Variants in BCAS3 observed in about 807,000 individuals in gnomAD.
BCAS3 encodes the protein BCAS3 microtubule associated cell migration factor.
BCAS3 carries 53 observed loss-of-function variants against 116.1 expected under a neutral mutation model. The observed-to-expected ratio is 0.46, with a 90% CI of 0.37 to 0.57. The LOEUF is 0.57. BCAS3 is among the 20% of genes least tolerant of loss of function. The pLI is 0.00. For synonymous variants in BCAS3, 391 were observed against 408.2 expected (o/e 0.96, Z 0.51); for missense variants, 917 against 1,165.4 (o/e 0.79, Z 3.10).
At chr17:61,048,205 G>T (rs949362743) in intron 19 of BCAS3, among the ~76,000 whole-genome samples, 4 of 151,950 alleles carry the variant, frequency 2.6e-5, no homozygotes, top group Non-Finnish European at 5.9e-5. Flanking sequence ...ACTATTTCTT[G>T]AGGTTCCAGT....
chr17:60,832,457 C>T (rs573380712), intron 7 of BCAS3, among the ~76,000 whole-genome samples: 1 of 152,240 alleles, frequency 6.6e-6, no homozygotes, highest in South Asian at 2.1e-4. Context: ...CAGTTACCAC[C>T]CACCTCACTT....
Position 61,235,973 on chromosome 17 carries a change from G to C in BCAS3, c.2426-132354G>C, listed in dbSNP as rs975515855. Among the ~76,000 whole-genome samples the C allele has an allele frequency of 1.3e-5, 2 of 152,208 alleles. No individual in the cohort carries two copies. Among genetic ancestry groups the C allele is most frequent in the Non-Finnish European group, 2.9e-5 (2 of 68,042 alleles). On this transcript the variant is annotated intron_variant, in intron 22 of 23. Transcript: ENST00000407086. The surrounding 1 kb of genome is among the most constrained non-coding windows in gnomAD (Gnocchi z 5.0). ...GGCTGATTATCCAAACAAGAATTTG[G>C]ACTGCAGCAGTCGGACCAGTTAAAT...
chr17:61,092,332 C>CTG (rs1568335155), intron 22 of BCAS3, among the ~76,000 whole-genome samples: 1 of 151,948 alleles, frequency 6.6e-6, no homozygotes. Flanking sequence ...CTGTCTGTCT[C>CTG]TCTCTCTCTC....
In BCAS3 at chr17:61,281,481, C is replaced by T. The variant is rs1459224166; in HGVS notation, c.2426-86846C>T. Reference sequence around the variant, plus strand: ...AGGTATGAGAGTACTTATTTCTCTACGCCTTGCCAGTACAGTGTGTTATCA... The same window carrying T: ...AGGTATGAGAGTACTTATTTCTCTATGCCTTGCCAGTACAGTGTGTTATCA... On this transcript the variant is annotated intron_variant, in intron 22 of 23. Coordinates refer to ENST00000407086, the MANE Select transcript of BCAS3 (RefSeq NM_017679.5). This position sits in a 1 kb window ranked among gnomAD's most constrained non-coding sequence, Gnocchi z 4.2. Among the ~76,000 whole-genome samples the T allele has an allele frequency of 3.3e-5, 5 of 152,166 alleles. No homozygotes were observed. Among genetic ancestry groups the T allele is most frequent in the Middle Eastern group, 3.2e-3 (1 of 316 alleles).
At chr17:61,178,241 A>T (rs1568515983) in intron 22 of BCAS3, among the ~76,000 whole-genome samples, 1 of 152,074 alleles carries the variant, frequency 6.6e-6, no homozygotes. Context: ...TTAGTTTAGT[A>T]CTTTAAACCT....
intron 14 of BCAS3, among the ~76,000 whole-genome samples, chr17:60,949,488 C>T (rs1384181031): frequency 1.3e-5 from 2 of 151,734 alleles, no homozygotes; most frequent in African/African-American, 4.8e-5. Flanking sequence ...GTTGCCCAGG[C>T]CAGTCTCAAC....
chr17:60,812,393 A>C (rs1032911492), intron 7 of BCAS3, among the ~76,000 whole-genome samples: 25 of 152,206 alleles, frequency 1.6e-4, no homozygotes, highest in African/African-American at 5.8e-4. Context: ...AGAGGGACAC[A>C]ATTTGTAGAA....
intron 4 of BCAS3, among the ~76,000 whole-genome samples, chr17:60,694,335 T>C (rs945682628): frequency 2.0e-5 from 3 of 151,614 alleles, no homozygotes; most frequent in Admixed American, 6.6e-5. Context: ...ACCCCATCTT[T>C]ACTAAAAAAA....
intron 7 of BCAS3, among the ~76,000 whole-genome samples, chr17:60,854,264 T>G (rs1801700595): frequency 6.6e-6 from 1 of 152,206 alleles, no homozygotes; most frequent in Admixed American, 6.5e-5. Flanking sequence ...TTCCATGGTG[T>G]ATATGTGCCA....
At chr17:61,133,296 A>G (rs1540345) in intron 22 of BCAS3, among the ~76,000 whole-genome samples, 146,004 of 152,280 alleles carry the variant, frequency 0.96, 70,323 homozygotes, top group East Asian at 1. Flanking sequence ...ACTTTCACAC[A>G]TACTTTGTTT....
chr17:61,034,648 C>T lies in BCAS3; in HGVS notation c.1638-18C>T. 5 of 1,585,250 alleles carry T rather than the reference C, an allele frequency of 3.2e-6. No individual in the cohort carries two copies. Among genetic ancestry groups the T allele is most frequent in the Non-Finnish European group, 4.3e-6 (5 of 1,162,248 alleles). The stretch of plus-strand genomic sequence containing the variant: ...TTCATCATGATAATTGTTTTTTACT[C>T]TTATTTTATTTTTTAAGCAAAGTTA... On this transcript the variant is annotated intron_variant, in intron 16 of 23. Transcript: ENST00000407086. The surrounding 1 kb of genome is among the most constrained non-coding windows in gnomAD (Gnocchi z 5.0).
intron 22 of BCAS3, among the ~76,000 whole-genome samples, chr17:61,155,661 G>GT (rs1253972999): frequency 6.6e-6 from 1 of 152,186 alleles, no homozygotes; most frequent in East Asian, 1.9e-4. Context: ...AAGCGAGAAT[G>GT]TTAAAATGAC....
intron 4 of BCAS3, among the ~76,000 whole-genome samples, chr17:60,695,841 C>G (rs2143898196): frequency 6.6e-6 from 1 of 152,252 alleles, no homozygotes; most frequent in African/African-American, 2.4e-5. Flanking sequence ...TCAAGGAATC[C>G]TCCTGCCTCA....
chr17:60,771,383 A>G lies in BCAS3; in HGVS notation c.403+24104A>G, dbSNP rs555436998. On this transcript the variant is annotated intron_variant, in intron 6 of 23. Transcript: ENST00000407086. ...AGAAAAGCCGTTCTCCTACATTACT[A>G]CATTTTAATTTTAAGTTGTCAGGAT... Among the ~76,000 whole-genome samples, 9 of 152,188 alleles carry G rather than the reference A, an allele frequency of 5.9e-5. No homozygotes were observed. The South Asian group carries it at 1.9e-3, about 32-fold the overall frequency.
At position 61,015,883 on chromosome 17, in the gene BCAS3, C is replaced by G; in HGVS notation, c.1619C>G (p.Thr540Ser). ...AQIKQPMTLG[T>S]ITKRTGKVKP... ...ATCAAGCAGCCAATGACATTGGGGA[C>G]CATCACCAAACGAACCGGGTAAGGC... Residue 540 changes from threonine (T) to serine (S), a missense_variant, in exon 16 of 24, where the codon ACC becomes AGC. Coordinates refer to ENST00000407086, the MANE Select transcript of BCAS3 (RefSeq NM_017679.5). 2.5e-6 allele frequency: 4 copies of G among 1,614,010 alleles called. No individual in the cohort carries two copies. The highest frequency in any genetic ancestry group is 3.4e-6 in the Non-Finnish European group (4 of 1,179,944).
chr17:61,094,579 G>A lies in BCAS3; in HGVS notation c.2425+10015G>A, dbSNP rs1338702559. Reference sequence around the variant, plus strand: ...AAGACATTTCTCGGCCGGACACGATGGCACACGCGTATAATCCCAGTACTT... The same window carrying A: ...AAGACATTTCTCGGCCGGACACGATAGCACACGCGTATAATCCCAGTACTT... On this transcript the variant is annotated intron_variant, in intron 22 of 23. Coordinates refer to ENST00000407086, the MANE Select transcript of BCAS3 (RefSeq NM_017679.5). 2.6e-5 allele frequency among the ~76,000 whole-genome samples: 4 copies of A among 152,214 alleles called. No individual in the cohort carries two copies. The East Asian group carries it at 5.8e-4, about 22-fold the overall frequency.
At chr17:60,749,627 A>G (rs1162161364) in intron 6 of BCAS3, among the ~76,000 whole-genome samples, 3 of 152,002 alleles carry the variant, frequency 2.0e-5, no homozygotes, top group Admixed American at 6.6e-5. Flanking sequence ...TTTTTTTGAG[A>G]TAGTTCCAGT....
chr17:60,680,705 G>A lies in BCAS3; in HGVS notation c.83+1165G>A, dbSNP rs534062788. Among the ~76,000 whole-genome samples, 20 of 151,690 alleles carry A rather than the reference G, an allele frequency of 1.3e-4. No individual in the cohort carries two copies. The East Asian group carries it at 2.3e-3, about 18-fold the overall frequency. On this transcript the variant is annotated intron_variant, in intron 2 of 23. Transcript: ENST00000407086. ...GGTTGGAGTGCAGTGGCGCCGTCTC[G>A]GCTCGCTGCAGCCTCCACCTCCTCC... is the stretch of plus-strand genomic sequence containing the variant.
chr17:61,218,733 A>T (rs575897802), intron 22 of BCAS3, among the ~76,000 whole-genome samples: 1 of 152,264 alleles, frequency 6.6e-6, no homozygotes, highest in South Asian at 2.1e-4. Context: ...TTCAGTTCTC[A>T]GTTTGCTATG....
Sources: allele counts gnomAD v4.1 joint callset (sites outside exome capture counted in the v4.1 genomes callset), GRCh38; gene constraint gnomAD v4.1.1; non-coding constraint Gnocchi (gnomAD v3.1); transcripts MANE v1.5; gene names NCBI Gene and HGNC (gene_info 2026-07-23, HGNC 2026-07-21).